CACNA2D1: variants seen among roughly 807,000 people sequenced by gnomAD.
CACNA2D1 encodes voltage-dependent calcium channel subunit alpha-2/delta-1.
Under a neutral mutation model 171.5 loss-of-function variants are expected in CACNA2D1, and 53 were observed. The observed-to-expected ratio is 0.31, with a 90% CI of 0.25 to 0.39. The LOEUF is 0.39. Ranked by LOEUF, CACNA2D1 falls within the 10% of genes least tolerant of loss-of-function variation. The pLI is 1.00. For missense variants in CACNA2D1, 903 were observed against 1,299.8 expected (o/e 0.69, Z 4.69); for synonymous variants, 442 against 443.1 (o/e 1.00, Z 0.03).
chr7:82,003,753 T>C (rs1006909981), intron 18 of CACNA2D1, among the ~76,000 whole-genome samples: 11 of 150,738 alleles, frequency 7.3e-5, no homozygotes, highest in Middle Eastern at 3.5e-3. Flanking sequence ...ACTTTTTTTT[T>C]TTTTTTTTGA....
At chr7:82,077,776 T>TC in intron 7 of CACNA2D1, among the ~76,000 whole-genome samples, 1 of 126,924 alleles carries the variant, frequency 7.9e-6, no homozygotes, top group Middle Eastern at 5.0e-3. Flanking sequence ...AAAAAAAAAA[T>TC]CAGGCATTTT....
intron 7 of CACNA2D1, among the ~76,000 whole-genome samples, chr7:82,067,808 T>C (rs1051979658): frequency 2.6e-5 from 4 of 152,138 alleles, no homozygotes; most frequent in African/African-American, 9.7e-5. Context: ...TATCCCTCTA[T>C]GATATCTGAC....
At chr7:82,224,118 C>T (rs1802083177) in intron 3 of CACNA2D1, among the ~76,000 whole-genome samples, 1 of 152,154 alleles carries the variant, frequency 6.6e-6, no homozygotes, top group Admixed American at 6.5e-5. Flanking sequence ...TTATTCACTA[C>T]TATTTGCCCA....
intron 3 of CACNA2D1, among the ~76,000 whole-genome samples, chr7:82,235,890 A>G (rs1040055569): frequency 6.6e-6 from 1 of 152,140 alleles, no homozygotes; most frequent in African/African-American, 2.4e-5. Context: ...ATGTCTCTGT[A>G]CTAAGGAAAT....
At chr7:82,049,118 G>T (rs1187717902) in intron 10 of CACNA2D1, among the ~76,000 whole-genome samples, 77 of 98,644 alleles carry the variant, frequency 7.8e-4, no homozygotes, top group Admixed American at 2.5e-3. Context: ...TTATCTTCTG[G>T]CAACTCATAA....
intron 3 of CACNA2D1, among the ~76,000 whole-genome samples, chr7:82,274,456 G>A (rs944931989): frequency 2.6e-5 from 4 of 152,046 alleles, no homozygotes; most frequent in African/African-American, 7.2e-5. Context: ...TTCATGAAAC[G>A]TTTTCTTAAT....
chr7:82,071,496 A>G (rs1032803835), intron 7 of CACNA2D1, among the ~76,000 whole-genome samples: 2 of 152,102 alleles, frequency 1.3e-5, no homozygotes, highest in Non-Finnish European at 2.9e-5. Context: ...TAACTGGCAT[A>G]ATTCTGTATT....
chr7:82,222,909 TTTGTTTG>T (rs1253117179), intron 3 of CACNA2D1, among the ~76,000 whole-genome samples: 1 of 148,664 alleles, frequency 6.7e-6, no homozygotes, highest in African/African-American at 2.5e-5. Context: ...TTTTTTTTTT[TTTGTTTG>T]TTTGTTTGTT....
intron 24 of CACNA2D1, among the ~76,000 whole-genome samples, chr7:81,977,890 GA>G (rs1170680382): frequency 1.3e-5 from 2 of 149,706 alleles, no homozygotes; most frequent in East Asian, 2.1e-4. Context: ...AAATTTCCAA[GA>G]AAAAAACAAA....
chr7:82,151,206 G>T (rs929398352), intron 4 of CACNA2D1, among the ~76,000 whole-genome samples: 3 of 152,126 alleles, frequency 2.0e-5, no homozygotes, highest in Non-Finnish European at 2.9e-5. Context: ...CAAGGAAAGG[G>T]AATTCTGTGG....
intron 1 of CACNA2D1, among the ~76,000 whole-genome samples, chr7:82,439,193 G>A (rs540169136): frequency 6.6e-5 from 10 of 152,090 alleles, no homozygotes; most frequent in South Asian, 4.1e-4. Context: ...TATATAGTTT[G>A]TTATGAGCAC....
intron 1 of CACNA2D1, among the ~76,000 whole-genome samples, chr7:82,398,342 T>C (rs1825962643): frequency 6.6e-6 from 1 of 152,222 alleles, no homozygotes; most frequent in Admixed American, 6.5e-5. Context: ...CATCATTCCA[T>C]TCAGGAATGT....
At chr7:82,338,859 G>C (rs1049119080) in intron 2 of CACNA2D1, among the ~76,000 whole-genome samples, 1 of 152,164 alleles carries the variant, frequency 6.6e-6, no homozygotes, top group Non-Finnish European at 1.5e-5. Flanking sequence ...TGTCTGCTAG[G>C]AGATAGGCTC....
At position 81,950,198 on chromosome 7, in the gene CACNA2D1, C is replaced by G; in HGVS notation, c.*194G>C. ...ACATAGATGATGCAGCATTCACACA[C>G]GTTTAAGGATCTGACACCCTGACAT... On this transcript the variant is annotated 3_prime_UTR_variant, in exon 39 of 39. Transcript: ENST00000356860. 1 of 886,174 alleles carries G rather than the reference C, an allele frequency of 1.1e-6. No homozygotes were observed. The highest frequency in any genetic ancestry group is 1.7e-6 in the Non-Finnish European group (1 of 583,228). The allele number at this position is 886,174 out of a possible 1,614,324, so 54.9% of individuals were successfully genotyped here.
At chr7:81,958,971 G>GGAATATA (rs1793772133) in intron 38 of CACNA2D1, among the ~76,000 whole-genome samples, 2 of 151,832 alleles carry the variant, frequency 1.3e-5, no homozygotes, top group Admixed American at 1.3e-4. Context: ...CTTCAGGATT[G>GGAATATA]GAATATAAAT....
chr7:82,112,261 C>T (rs1788560238), intron 6 of CACNA2D1, among the ~76,000 whole-genome samples: 1 of 152,136 alleles, frequency 6.6e-6, no homozygotes, highest in Non-Finnish European at 1.5e-5. Flanking sequence ...TAATTTCACT[C>T]TTTAATTTCA....
chr7:82,415,953 A>T (rs1828124146), intron 1 of CACNA2D1, among the ~76,000 whole-genome samples: 1 of 151,874 alleles, frequency 6.6e-6, no homozygotes, highest in African/African-American at 2.4e-5. Context: ...GGTGGCTCAC[A>T]CCTGTAATCC....
At chr7:82,157,730 T>C (rs1257593270) in intron 4 of CACNA2D1, among the ~76,000 whole-genome samples, 1 of 152,076 alleles carries the variant, frequency 6.6e-6, no homozygotes, top group East Asian at 1.9e-4. Flanking sequence ...GCCACACAGA[T>C]AGTTTAAATT....
intron 3 of CACNA2D1, among the ~76,000 whole-genome samples, chr7:82,277,016 G>A (rs1199869075): frequency 6.6e-6 from 1 of 151,894 alleles, no homozygotes; most frequent in Non-Finnish European, 1.5e-5. Context: ...AAAGTGCTGG[G>A]AATACAGGTG....
Sources: gnomAD v4.1 joint callset for allele counts (sites outside exome capture counted in the v4.1 genomes callset) on GRCh38, gnomAD v4.1.1 for gene constraint, MANE v1.5 for transcripts, NCBI Gene and HGNC (gene_info 2026-07-23, HGNC 2026-07-21) for gene names.